OXCT1: variants seen among roughly 807,000 people sequenced by gnomAD.
OXCT1 encodes succinyl-CoA:3-ketoacid coenzyme A transferase 1, mitochondrial.
In OXCT1, 27 loss-of-function variants were observed where a neutral mutation model predicts 69.6. The ratio of observed to expected loss-of-function variants is 0.39; its 90% confidence interval spans 0.29 to 0.54. The LOEUF (loss-of-function observed/expected upper bound fraction) is 0.54, where lower values mean the gene tolerates loss of function less well. OXCT1 is among the 20% of genes least tolerant of loss of function. The pLI is 0.72. For synonymous variants in OXCT1, 202 were observed against 217.8 expected, an observed-to-expected ratio of 0.93 and a Z score of 0.64; for missense variants, 437 against 650.2, an observed-to-expected ratio of 0.67 and a Z score of 3.57.
At chr5:41,851,034 G>A (rs1749150555) in intron 4 of OXCT1, among the ~76,000 whole-genome samples, 1 of 152,172 alleles carries the variant, frequency 6.6e-6, no homozygotes, top group South Asian at 2.1e-4. Flanking sequence ...GGACACCATG[G>A]CTCATGCCTG....
At chr5:41,846,464 T>C (rs1441266086) in intron 5 of OXCT1, among the ~76,000 whole-genome samples, 2 of 149,390 alleles carry the variant, frequency 1.3e-5, no homozygotes, top group African/African-American at 4.9e-5. Context: ...CATGAACTCA[T>C]CATTTTTTAT....
intron 13 of OXCT1, among the ~76,000 whole-genome samples, chr5:41,763,689 T>A (rs1050204441): frequency 5.3e-5 from 8 of 152,036 alleles, no homozygotes; most frequent in African/African-American, 9.7e-5. Context: ...ATACATAGTG[T>A]CCTTGGCAGA....
chr5:41,847,696 T>A (rs1453211245), intron 5 of OXCT1, among the ~76,000 whole-genome samples: 2 of 152,120 alleles, frequency 1.3e-5, no homozygotes, highest in Non-Finnish European at 1.5e-5. Context: ...ATTATCTCAA[T>A]AGATGCAGAA....
chr5:41,827,696 C>T (rs1176540175), intron 7 of OXCT1, among the ~76,000 whole-genome samples: 1 of 152,118 alleles, frequency 6.6e-6, no homozygotes, highest in East Asian at 1.9e-4. Context: ...CAAGAAAGCA[C>T]ATTGCTACCC....
chr5:41,754,969 T>A (rs985092543), intron 14 of OXCT1, among the ~76,000 whole-genome samples: 2 of 152,086 alleles, frequency 1.3e-5, no homozygotes, highest in African/African-American at 4.8e-5. Flanking sequence ...ACATTTCTTG[T>A]ACACTGTATC....
chr5:41,796,252 A>G (rs989863033), intron 11 of OXCT1, among the ~76,000 whole-genome samples: 3 of 152,110 alleles, frequency 2.0e-5, no homozygotes, highest in African/African-American at 7.2e-5. Context: ...CTTGTGATCT[A>G]TTTCCTCTCT....
chr5:41,772,460 C>T (rs1397503547), intron 13 of OXCT1, among the ~76,000 whole-genome samples: 1 of 150,006 alleles, frequency 6.7e-6, no homozygotes, highest in Non-Finnish European at 1.5e-5. Context: ...GAAAGTAACA[C>T]AGAAGATAAA....
chr5:41,769,511 C>T (rs535713547), intron 13 of OXCT1, among the ~76,000 whole-genome samples: 145 of 150,920 alleles, frequency 9.6e-4, no homozygotes, highest in African/African-American at 3.1e-3. Flanking sequence ...TCACTTAAGC[C>T]CGGGAGTTTA....
At chr5:41,834,563 C>CTGTA (rs1748264669) in intron 7 of OXCT1, among the ~76,000 whole-genome samples, 1 of 147,168 alleles carries the variant, frequency 6.8e-6, no homozygotes, top group South Asian at 2.1e-4. Flanking sequence ...AAGAGAAAAA[C>CTGTA]TGTAAGAAGA....
intron 14 of OXCT1, among the ~76,000 whole-genome samples, chr5:41,757,147 C>T (rs1744117481): frequency 6.6e-6 from 1 of 152,080 alleles, no homozygotes; most frequent in African/African-American, 2.4e-5. Flanking sequence ...CGAAAAAAAT[C>T]ACTCTGGCCA....
At chr5:41,847,843 G>A (rs970448140) in intron 5 of OXCT1, among the ~76,000 whole-genome samples, 11 of 146,106 alleles carry the variant, frequency 7.5e-5, no homozygotes, top group African/African-American at 2.9e-4. Flanking sequence ...GGCAAAAACT[G>A]GAAGCATTCC....
intron 14 of OXCT1, among the ~76,000 whole-genome samples, chr5:41,749,969 G>A (rs919238579): frequency 6.6e-6 from 1 of 151,928 alleles, no homozygotes; most frequent in African/African-American, 2.4e-5. Flanking sequence ...GCAGATATCT[G>A]CGCAGGATGC....
At chr5:41,842,516 C>T (rs1456892620) in intron 6 of OXCT1, among the ~76,000 whole-genome samples, 159 bp downstream of exon 6, 2 of 152,202 alleles carry the variant, frequency 1.3e-5, no homozygotes, top group African/African-American at 4.8e-5. Flanking sequence ...CACAAGTGGA[C>T]ATACCAGCAG....
chr5:41,770,012 G>C (rs1453260665), intron 13 of OXCT1, among the ~76,000 whole-genome samples: 1 of 152,122 alleles, frequency 6.6e-6, no homozygotes, highest in Non-Finnish European at 1.5e-5. Context: ...CGCCTGCCTT[G>C]GCCTCCCAAA....
chr5:41,779,650 C>T (rs1350807086), intron 13 of OXCT1, among the ~76,000 whole-genome samples: 2 of 151,280 alleles, frequency 1.3e-5, no homozygotes, highest in African/African-American at 2.4e-5. Context: ...GTAAAAGATC[C>T]GAATACAATA....
chr5:41,849,017 AT>A (rs1170361084), intron 5 of OXCT1, among the ~76,000 whole-genome samples: 1 of 152,184 alleles, frequency 6.6e-6, no homozygotes, highest in Non-Finnish European at 1.5e-5. Flanking sequence ...ATGGGAGAAA[AT>A]TTTCGCAACC....
chr5:41,763,829 TC>T (rs1744465474), intron 13 of OXCT1, among the ~76,000 whole-genome samples: 1 of 152,092 alleles, frequency 6.6e-6, no homozygotes. Context: ...GCAAATTCTG[TC>T]CCCTGTGACA....
chr5:41,753,528 C>A (rs574571039), intron 14 of OXCT1, among the ~76,000 whole-genome samples: 89 of 152,184 alleles, frequency 5.8e-4, no homozygotes, highest in Middle Eastern at 3.4e-3. Flanking sequence ...AACGGCAACA[C>A]CCTTCCTATT....
intron 7 of OXCT1, among the ~76,000 whole-genome samples, chr5:41,835,221 T>C (rs1275478299): frequency 1.3e-5 from 2 of 152,186 alleles, no homozygotes; most frequent in Non-Finnish European, 2.9e-5. Flanking sequence ...TTGGAAAATC[T>C]AGAAGAAATG....
Sources: allele counts gnomAD v4.1 joint callset (sites outside exome capture counted in the v4.1 genomes callset), GRCh38; gene constraint gnomAD v4.1.1; transcripts MANE v1.5; gene names NCBI Gene and HGNC (gene_info 2026-07-23, HGNC 2026-07-21).